Variants in WDPCP observed in about 807,000 individuals in gnomAD.
The protein encoded by WDPCP is WD repeat-containing and planar cell polarity effector protein fritz homolog.
Under a neutral mutation model 93.1 loss-of-function variants are expected in WDPCP, and 71 were observed. That is an observed-to-expected ratio of 0.76 (90% CI 0.63 to 0.93). WDPCP has a LOEUF of 0.93. Among genes scored for constraint, WDPCP ranks in the 40% least tolerant of loss-of-function variants. The pLI is 0.00. For synonymous variants in WDPCP, 315 were observed against 315.0 expected, an observed-to-expected ratio of 1.00 and a Z score of 0.00; for missense variants, 844 against 887.4, an observed-to-expected ratio of 0.95 and a Z score of 0.62.
intron 14 of WDPCP, among the ~76,000 whole-genome samples, chr2:63,224,278 T>C (rs1332153911): frequency 6.6e-6 from 1 of 152,052 alleles, no homozygotes; most frequent in Non-Finnish European, 1.5e-5. Context: ...AGGATTCTTA[T>C]TCATCAATGG....
intron 2 of WDPCP, among the ~76,000 whole-genome samples, chr2:63,707,676 G>A (rs1272334860): frequency 6.6e-6 from 1 of 152,232 alleles, no homozygotes; most frequent in East Asian, 1.9e-4. Context: ...GTGAGGAGCT[G>A]CGTTCCTTTG....
chr2:63,807,418 G>A (rs1670784868), intron 2 of WDPCP, among the ~76,000 whole-genome samples: 1 of 152,124 alleles, frequency 6.6e-6, no homozygotes, highest in African/African-American at 2.4e-5. Context: ...CATGTGATGT[G>A]CCTGCTCCCT....
chr2:63,168,069 G>A (rs930640460), intron 15 of WDPCP, among the ~76,000 whole-genome samples: 2 of 131,624 alleles, frequency 1.5e-5, no homozygotes, highest in Non-Finnish European at 3.1e-5. Flanking sequence ...CCATGATCAC[G>A]CCACTGCACT....
intron 12 of WDPCP, among the ~76,000 whole-genome samples, chr2:63,364,705 ACC>A (rs1690756467): frequency 6.6e-6 from 1 of 152,168 alleles, no homozygotes; most frequent in African/African-American, 2.4e-5. Flanking sequence ...GAGTGCTAGG[ACC>A]TATGAAGTCA....
At chr2:63,720,618 C>T (rs1669402969) in intron 2 of WDPCP, among the ~76,000 whole-genome samples, 1 of 152,158 alleles carries the variant, frequency 6.6e-6, no homozygotes, top group Non-Finnish European at 1.5e-5. Context: ...ATTATTAAGT[C>T]TAATGTGTCT....
At chr2:63,173,135 G>A (rs182312523) in intron 15 of WDPCP, among the ~76,000 whole-genome samples, 83 of 152,158 alleles carry the variant, frequency 5.5e-4, no homozygotes, top group Middle Eastern at 3.4e-3. Context: ...GGGCACAGTG[G>A]TGGGCACCTG....
chr2:63,278,778 A>T (rs1442694951), intron 13 of WDPCP, among the ~76,000 whole-genome samples: 1 of 152,210 alleles, frequency 6.6e-6, no homozygotes, highest in Non-Finnish European at 1.5e-5. Flanking sequence ...GTGAGCCAAG[A>T]TCATGCCACT....
chr2:63,742,464 G>A (rs1208218689), intron 2 of WDPCP, among the ~76,000 whole-genome samples: 2 of 151,438 alleles, frequency 1.3e-5, no homozygotes, highest in African/African-American at 4.9e-5. Flanking sequence ...TTACAGAATA[G>A]GTCCCAGGGA....
At chr2:63,747,518 G>A (rs1669816562) in intron 2 of WDPCP, among the ~76,000 whole-genome samples, 2 of 151,368 alleles carry the variant, frequency 1.3e-5, no homozygotes, top group South Asian at 4.2e-4. Context: ...TCTTTATCCA[G>A]TACCATTTAT....
chr2:63,523,769 G>A (rs892283986), intron 1 of WDPCP, among the ~76,000 whole-genome samples: 1 of 146,584 alleles, frequency 6.8e-6, no homozygotes, highest in Admixed American at 6.8e-5. Context: ...AAATTCGCTG[G>A]GCATGGTGGC....
At chr2:63,328,459 C>T (rs1178266373) in intron 12 of WDPCP, among the ~76,000 whole-genome samples, 3 of 152,128 alleles carry the variant, frequency 2.0e-5, no homozygotes, top group East Asian at 1.9e-4. Context: ...ACAAATCCAC[C>T]GGGAGGAACA....
chr2:63,661,054 G>A (rs555075052), intron 2 of WDPCP, among the ~76,000 whole-genome samples: 2 of 152,238 alleles, frequency 1.3e-5, no homozygotes, highest in East Asian at 1.9e-4. Flanking sequence ...GTTCATTTGT[G>A]TGAATGTATG....
At chr2:63,249,349 C>T (rs1342521081) in intron 14 of WDPCP, among the ~76,000 whole-genome samples, 2 of 152,090 alleles carry the variant, frequency 1.3e-5, no homozygotes, top group African/African-American at 2.4e-5. Context: ...AAGAAAATGG[C>T]CTGTTGCATG....
At chr2:63,797,135 T>A (rs1215080669) in intron 2 of WDPCP, among the ~76,000 whole-genome samples, 1 of 152,098 alleles carries the variant, frequency 6.6e-6, no homozygotes, top group African/African-American at 2.4e-5. Context: ...CCAGGATTCA[T>A]TACCTGTTAA....
intron 1 of WDPCP, among the ~76,000 whole-genome samples, chr2:63,554,396 G>A (rs1164946489): frequency 6.6e-6 from 1 of 152,158 alleles, no homozygotes; most frequent in Admixed American, 6.5e-5. Context: ...TGTCTACCAT[G>A]ATTTCCCCCA....
intron 10 of WDPCP, among the ~76,000 whole-genome samples, chr2:63,393,288 G>A (rs546552432): frequency 7.2e-5 from 11 of 151,794 alleles, no homozygotes; most frequent in Non-Finnish European, 1.3e-4. Context: ...CACAAAGACA[G>A]AAAACCAAAC....
At chr2:63,507,391 T>C (rs77215331) in intron 1 of WDPCP, among the ~76,000 whole-genome samples, 2,461 of 152,218 alleles carry the variant, frequency 0.016, 32 homozygotes, top group Non-Finnish European at 0.026. Flanking sequence ...TATAATTCTA[T>C]ATCTAGCCAA....
At chr2:63,226,916 T>C (rs1273659654) in intron 14 of WDPCP, among the ~76,000 whole-genome samples, 1 of 151,944 alleles carries the variant, frequency 6.6e-6, no homozygotes, top group Non-Finnish European at 1.5e-5. Flanking sequence ...ACAGAAAATT[T>C]GGCCAGAAAG....
At chr2:63,803,427 T>C (rs1670721788) in intron 2 of WDPCP, among the ~76,000 whole-genome samples, 1 of 152,218 alleles carries the variant, frequency 6.6e-6, no homozygotes, top group Non-Finnish European at 1.5e-5. Context: ...CATCTTATCA[T>C]ATTATATTGT....
Sources: allele counts gnomAD v4.1 joint callset (sites outside exome capture counted in the v4.1 genomes callset), GRCh38; gene constraint gnomAD v4.1.1; transcripts MANE v1.5; gene names NCBI Gene and HGNC (gene_info 2026-07-23, HGNC 2026-07-21).